Variants in SHANK2 observed in about 807,000 individuals in gnomAD.
The protein encoded by SHANK2 is SH3 and multiple ankyrin repeat domains protein 2.
SHANK2 carries 43 observed loss-of-function variants against 133.7 expected under a neutral mutation model. That is an observed-to-expected ratio of 0.32 (90% CI 0.25 to 0.41). The LOEUF is 0.41. Ranked by LOEUF, SHANK2 falls within the 10% of genes least tolerant of loss-of-function variation. SHANK2 has a pLI of 1.00. For synonymous variants in SHANK2, 1,017 were observed against 952.8 expected, an observed-to-expected ratio of 1.07 and a Z score of -1.24; for missense variants, 1,994 against 2,235.8, an observed-to-expected ratio of 0.89 and a Z score of 2.18.
intron 12 of SHANK2, among the ~76,000 whole-genome samples, chr11:70,811,580 T>A (rs1334948738): frequency 6.6e-6 from 1 of 151,288 alleles, no homozygotes; most frequent in Non-Finnish European, 1.5e-5. Flanking sequence ...TCCATCCATC[T>A]ACCCATCCAT....
At position 70,593,011 on chromosome 11, in the gene SHANK2, AG is replaced by A. The variant is rs542667365; in HGVS notation, c.2061+66816del. ...CACGAAGGGAGCCTGCAGCTATCGG[AG>A]GGGTGGGTCCCAGCCCTGGCCTCGC... On this transcript the variant is annotated intron_variant, in intron 17 of 25. Coordinates refer to ENST00000601538, the MANE Select transcript of SHANK2 (RefSeq NM_012309.5). Among the ~76,000 whole-genome samples, 129 of 152,222 alleles carry A rather than the reference AG, an allele frequency of 8.5e-4. 1 individual carries two copies. The highest frequency in any genetic ancestry group is 3.1e-3 in the African/African-American group (127 of 41,552).
intron 8 of SHANK2, among the ~76,000 whole-genome samples, chr11:71,081,408 G>A (rs1740480064): frequency 6.6e-6 from 1 of 152,226 alleles, no homozygotes; most frequent in Non-Finnish European, 1.5e-5. Flanking sequence ...TCCAAAAGGA[G>A]AGATGACTGG....
intron 10 of SHANK2, among the ~76,000 whole-genome samples, chr11:70,945,447 G>C (rs1950710571): frequency 6.6e-6 from 1 of 152,212 alleles, no homozygotes. Flanking sequence ...TCATGTGGAA[G>C]GGCCAGGCCT....
At chr11:70,492,605 G>C (rs528582446) in intron 21 of SHANK2, 140 bp from the exon 22 acceptor site, 1 of 1,100,986 alleles carries the variant, frequency 9.1e-7, no homozygotes, top group Admixed American at 2.0e-5. Flanking sequence ...AGGAGCATGC[G>C]TGTGCCTCTG....
At chr11:70,704,126 G>A (rs1555024419) in intron 14 of SHANK2, among the ~76,000 whole-genome samples, 2 of 152,258 alleles carry the variant, frequency 1.3e-5, no homozygotes, top group African/African-American at 4.8e-5. Flanking sequence ...GGGCTCGGGA[G>A]GAAGAAGGGC....
At chr11:70,743,411 G>T (rs767125262) in intron 14 of SHANK2, among the ~76,000 whole-genome samples, 2 of 152,314 alleles carry the variant, frequency 1.3e-5, no homozygotes, top group East Asian at 3.9e-4. Flanking sequence ...CCCAATGCGA[G>T]CACATGGCAC....
chr11:70,888,401 C>T (rs927664010), intron 11 of SHANK2, among the ~76,000 whole-genome samples: 3 of 152,150 alleles, frequency 2.0e-5, no homozygotes, highest in Non-Finnish European at 4.4e-5. Context: ...TGAAAATGTT[C>T]GAGTCAGATA....
intron 14 of SHANK2, among the ~76,000 whole-genome samples, chr11:70,724,945 C>G (rs1446973743): frequency 6.6e-6 from 1 of 152,184 alleles, no homozygotes; most frequent in South Asian, 2.1e-4. Context: ...GAAAAGTCCT[C>G]AAGGTAGTTA....
intron 6 of SHANK2, among the ~76,000 whole-genome samples, chr11:71,107,448 G>A (rs1015418107): frequency 2.6e-5 from 4 of 152,146 alleles, no homozygotes; most frequent in East Asian, 1.9e-4. Context: ...TTTGGTCTTT[G>A]TGATCAGTAA....
chr11:70,735,577 G>A (rs1201741), intron 14 of SHANK2, among the ~76,000 whole-genome samples: 16,109 of 152,036 alleles, frequency 0.11, 1,695 homozygotes, highest in African/African-American at 0.28. Flanking sequence ...GGTGGCGGGC[G>A]CCTGTAATCC....
At chr11:70,891,152 T>C (rs180723579) in intron 11 of SHANK2, among the ~76,000 whole-genome samples, 102 of 152,246 alleles carry the variant, frequency 6.7e-4, no homozygotes, top group Middle Eastern at 3.4e-3. Flanking sequence ...GGCTCCTCTC[T>C]AGACGGGAAG....
intron 2 of SHANK2, among the ~76,000 whole-genome samples, chr11:71,161,132 A>G (rs1264819446): frequency 2.0e-5 from 3 of 152,202 alleles, no homozygotes; most frequent in Non-Finnish European, 2.9e-5. Flanking sequence ...ATGCCTCATT[A>G]TATCTGCCTC....
intron 11 of SHANK2, among the ~76,000 whole-genome samples, chr11:70,827,966 A>G (rs1293192828): frequency 2.6e-5 from 4 of 152,016 alleles, no homozygotes; most frequent in Admixed American, 1.3e-4. Context: ...TGTACGCCCT[A>G]TATCAGCTGA....
chr11:70,638,180 G>A (rs1440758351), intron 17 of SHANK2, among the ~76,000 whole-genome samples: 2 of 152,194 alleles, frequency 1.3e-5, no homozygotes, highest in Non-Finnish European at 2.9e-5. Flanking sequence ...CAGAGCAGGA[G>A]CTTAGAGCTA....
At chr11:70,581,168 G>GT (rs1420244331) in intron 17 of SHANK2, among the ~76,000 whole-genome samples, 1 of 152,204 alleles carries the variant, frequency 6.6e-6, no homozygotes, top group Non-Finnish European at 1.5e-5. Flanking sequence ...GACGGCAAAA[G>GT]TAAGTCTAGC....
intron 17 of SHANK2, among the ~76,000 whole-genome samples, chr11:70,581,255 T>A (rs1269813019): frequency 6.6e-6 from 1 of 152,242 alleles, no homozygotes; most frequent in African/African-American, 2.4e-5. Context: ...TTCCAGTACC[T>A]TAGGAAAGGC....
chr11:70,630,225 C>A (rs894452900), intron 17 of SHANK2, among the ~76,000 whole-genome samples: 1 of 152,228 alleles, frequency 6.6e-6, no homozygotes, highest in Non-Finnish European at 1.5e-5. Flanking sequence ...ACTGACCTTG[C>A]AGGTGCCCTG....
At chr11:70,942,809 G>T in intron 10 of SHANK2, 1 of 456,688 alleles carries the variant, frequency 2.2e-6, no homozygotes, top group Non-Finnish European at 4.4e-6. Flanking sequence ...GGTTAACACT[G>T]CCACTCAGTG....
intron 17 of SHANK2, among the ~76,000 whole-genome samples, chr11:70,526,862 C>T (rs1377738893): frequency 3.3e-5 from 5 of 151,844 alleles, no homozygotes; most frequent in Middle Eastern, 3.4e-3. Context: ...CTCGGAATCA[C>T]ATCCCGGGGG....
Sources: allele counts gnomAD v4.1 joint callset (sites outside exome capture counted in the v4.1 genomes callset), GRCh38; gene constraint gnomAD v4.1.1; transcripts MANE v1.5; gene names NCBI Gene and HGNC (gene_info 2026-07-23, HGNC 2026-07-21).